Variants in DMPK observed in about 807,000 individuals in gnomAD.
DMPK encodes the protein DM1 protein kinase, also known as myotonin-protein kinase.
A neutral mutation model predicts 70.3 loss-of-function variants in DMPK; 32 were observed. That is an observed-to-expected ratio of 0.46 (90% CI 0.34 to 0.61). The LOEUF (loss-of-function observed/expected upper bound fraction) is 0.61, where lower values mean the gene tolerates loss of function less well. Among genes scored for constraint, DMPK ranks in the 20% least tolerant of loss-of-function variants. The pLI is 0.01. For synonymous variants in DMPK, 469 were observed against 390.9 expected (o/e 1.20, Z -2.36); for missense variants, 899 against 886.0 (o/e 1.01, Z -0.19).
Position 45,777,413 on chromosome 19 carries a change from AGG to A in DMPK, c.1058_1059del (p.Pro353LeufsTer61). On this transcript the variant is annotated frameshift_variant, in exon 8 of 15. Transcript: ENST00000291270. LOFTEE classifies it high-confidence loss of function. The surrounding 1 kb of genome is among the most constrained non-coding windows in gnomAD (Gnocchi z 6.7). ...GTGGCACCTTCGAAATCCGGTGTAA[AGG>A]GGGGCACGCTGTCCCGGAGACCATC... ...DWDGLRDSVP[P>X]FTPDFEGATD... The A allele has an allele frequency of 1.9e-6, 3 of 1,613,146 alleles. No individual in the cohort carries two copies. The highest frequency in any genetic ancestry group is 2.5e-6 in the Non-Finnish European group (3 of 1,179,844).
intron 1 of DMPK, 83 bp downstream of exon 1, chr19:45,782,110 C>CG (rs1211116793): frequency 5.6e-6 from 5 of 899,844 alleles, no homozygotes; most frequent in Non-Finnish European, 7.6e-6. Context: ...TCCTGCCCCC[C>CG]CAACAGCCAG....
intron 10 of DMPK, 31 bp from the exon 11 acceptor site, chr19:45,771,959 T>A: frequency 6.5e-7 from 1 of 1,533,478 alleles, no homozygotes; most frequent in Admixed American, 2.0e-5. Flanking sequence ...TAAGGCTGCC[T>A]GTGGCTCCTG....
At position 45,770,204 on chromosome 19, in the gene DMPK, CCAGCAGCAGCAGCAGCAG is replaced by C; in HGVS notation, c.*266_*283del. The C allele has an allele frequency of 0.06, 42,938 of 714,528 alleles. 2,770 individuals are homozygous for C. Among genetic ancestry groups the C allele is most frequent in the African/African-American group, 0.094 (5,206 of 55,172 alleles). The allele number at this position is 714,528 out of a possible 1,614,324, so 44.3% of individuals were successfully genotyped here. Reference sequence around the variant, plus strand: ...AAGAAAGAAATGGTCTGTGATCCCCCCAGCAGCAGCAGCAGCAGCAGCAGCAGCAGCAGCAGCAGCAGC... The same window carrying C: ...AAGAAAGAAATGGTCTGTGATCCCCCCAGCAGCAGCAGCAGCAGCAGCAGC... On this transcript the variant is annotated 3_prime_UTR_variant, in exon 15 of 15. Coordinates refer to ENST00000291270, the MANE Select transcript of DMPK (RefSeq NM_004409.5).
chr19:45,777,287 G>C lies in DMPK; in HGVS notation c.1146+40C>G, dbSNP rs1969823133. 1.3e-6 allele frequency: 2 copies of C among 1,525,736 alleles called. No individual in the cohort carries two copies. Among genetic ancestry groups the C allele is most frequent in the African/African-American group, 1.4e-5 (1 of 72,270 alleles). The allele number at this position is 1,525,736 out of a possible 1,614,324, so 94.5% of individuals were successfully genotyped here. A position where few individuals can be genotyped will look rare whatever the true frequency, so the allele number is the denominator to read the frequency against. On this transcript the variant is annotated intron_variant, in intron 8 of 14. Coordinates refer to ENST00000291270, the MANE Select transcript of DMPK (RefSeq NM_004409.5). This position sits in a 1 kb window ranked among gnomAD's most constrained non-coding sequence, Gnocchi z 6.7. ...ACTCCAACTTTATGGAGGGAGCATG[G>C]GGAGGTTCCCGCAGCCGAGCAGGGG...
intron 12 of DMPK, 85 bp downstream of exon 12, chr19:45,771,483 C>T (rs1440163542): frequency 9.2e-5 from 148 of 1,609,878 alleles, no homozygotes; most frequent in South Asian, 5.5e-5. Context: ...TCCCTTCCCT[C>T]CTCCAGGTGT....
chr19:45,779,799 G>A lies in DMPK; in HGVS notation c.231C>T (p.Ile77=). The A allele has an allele frequency of 1.3e-6, 2 of 1,560,066 alleles. No homozygotes were observed. The highest frequency in any genetic ancestry group is 1.2e-5 in the South Asian group (1 of 84,166). ...TTACCTCGCTGAACGCCCCGCGTCCGATCACCTTCAGAATCTCGAAGTCGT... is the reference window on the plus strand; with the variant it reads ...TTACCTCGCTGAACGCCCCGCGTCCAATCACCTTCAGAATCTCGAAGTCGT... ...QRDDFEILKV[I]GRGAFSEVAV... is the part of the protein sequence containing the mutation. Residue 77 remains isoleucine (I), a synonymous_variant, in exon 2 of 15, where the codon ATC becomes ATT. Coordinates refer to ENST00000291270, the MANE Select transcript of DMPK (RefSeq NM_004409.5).
chr19:45,778,985 G>A (rs1424373889), intron 4 of DMPK: 1 of 580,162 alleles, frequency 1.7e-6, no homozygotes, highest in Non-Finnish European at 3.1e-6. Context: ...TAGAATTCCT[G>A]AAGACCTATC....
chr19:45,782,401 C>CCTCCTGTCACAGGGCCTGGCAG lies in DMPK; in HGVS notation c.-71_-50dup. ...CCTCCCCGGGCCGGGGGCTCGGGGTCCTCCTGTCACAGGGCCTGGCAGCCC... is the reference window on the plus strand; with the variant it reads ...CCTCCCCGGGCCGGGGGCTCGGGGTCCTCCTGTCACAGGGCCTGGCAGCTCCTGTCACAGGGCCTGGCAGCCC... On this transcript the variant is annotated 5_prime_UTR_variant, in exon 1 of 15. Transcript: ENST00000291270. 6.7e-7 allele frequency: 1 copy of CCTCCTGTCACAGGGCCTGGCAG among 1,493,534 alleles called. No homozygotes were observed. Among genetic ancestry groups the CCTCCTGTCACAGGGCCTGGCAG allele is most frequent in the Non-Finnish European group, 8.9e-7 (1 of 1,122,044 alleles). 92.5% of individuals were successfully genotyped at this position (1,493,534 alleles called of 1,614,324 possible).
intron 8 of DMPK, 73 bp from the exon 9 acceptor site, chr19:45,775,107 A>C: frequency 8.1e-7 from 1 of 1,235,314 alleles, no homozygotes. Context: ...CTTGGCTTAC[A>C]TGTTCCCCCC....
intron 13 of DMPK, 27 bp from the exon 14 acceptor site, chr19:45,771,087 G>A: frequency 1.3e-6 from 2 of 1,503,250 alleles, no homozygotes; most frequent in East Asian, 2.5e-5. Context: ...CAGGTGACCC[G>A]ATCGGAGCCC....
Position 45,770,456 on chromosome 19 carries a change from C to T in DMPK, c.*32G>A, listed in dbSNP as rs1485216363. The T allele has an allele frequency of 1.9e-6, 3 of 1,548,900 alleles. No homozygotes were observed. Among genetic ancestry groups the T allele is most frequent in the Non-Finnish European group, 2.6e-6 (3 of 1,146,618 alleles). ...GTGCCCCGGGCACTCAGTCTTCCAACGGGGCCCCGGAGTCGAAGACAGTTC... is the reference window on the plus strand; with the variant it reads ...GTGCCCCGGGCACTCAGTCTTCCAATGGGGCCCCGGAGTCGAAGACAGTTC... On this transcript the variant is annotated 3_prime_UTR_variant, in exon 15 of 15. Coordinates refer to ENST00000291270, the MANE Select transcript of DMPK (RefSeq NM_004409.5).
intron 1 of DMPK, 155 bp from the exon 2 acceptor site, chr19:45,780,024 C>A: frequency 6.5e-7 from 1 of 1,550,358 alleles, no homozygotes. Context: ...ACATAAACAC[C>A]GTGTAAGGTT....
intron 1 of DMPK, among the ~76,000 whole-genome samples, chr19:45,781,769 T>TGCTG (rs1339433905): frequency 6.6e-6 from 1 of 152,058 alleles, no homozygotes; most frequent in Non-Finnish European, 1.5e-5. Context: ...AGCTGCCCCA[T>TGCTG]GCTGGCCCTC....
At chr19:45,779,103 G>A in intron 4 of DMPK, 161 bp downstream of exon 4, 2 of 701,800 alleles carry the variant, frequency 2.8e-6, no homozygotes, top group South Asian at 1.7e-5. Flanking sequence ...AGATAGGGAA[G>A]GCCCCTCATC....
intron 4 of DMPK, 137 bp downstream of exon 4, chr19:45,779,127 C>A (rs1280517007): frequency 1.2e-6 from 1 of 860,402 alleles, no homozygotes; most frequent in South Asian, 1.5e-5. Flanking sequence ...CTGACACACC[C>A]TCTTACCGCA....
chr19:45,770,196 T>C lies in DMPK; in HGVS notation c.*292A>G, dbSNP rs1227189600. On this transcript the variant is annotated 3_prime_UTR_variant, in exon 15 of 15. Coordinates refer to ENST00000291270, the MANE Select transcript of DMPK (RefSeq NM_004409.5). Reference sequence around the variant, plus strand: ...CTGGCCGAAAGAAAGAAATGGTCTGTGATCCCCCCAGCAGCAGCAGCAGCA... The same window carrying C: ...CTGGCCGAAAGAAAGAAATGGTCTGCGATCCCCCCAGCAGCAGCAGCAGCA... 1 of 639,464 alleles carries C rather than the reference T, an allele frequency of 1.6e-6. No individual in the cohort carries two copies. Among genetic ancestry groups the C allele is most frequent in the East Asian group, 3.5e-5 (1 of 28,390 alleles). 39.6% of individuals were successfully genotyped at this position (639,464 alleles called of 1,614,324 possible). A position where few individuals can be genotyped will look rare whatever the true frequency, so the allele number is the denominator to read the frequency against.
Position 45,782,184 on chromosome 19 carries a change from G to A in DMPK, c.160+9C>T. 1 of 1,499,564 alleles carries A rather than the reference G, an allele frequency of 6.7e-7. No individual in the cohort carries two copies. The highest frequency in any genetic ancestry group is 8.9e-7 in the Non-Finnish European group (1 of 1,118,620). The allele number at this position is 1,499,564 out of a possible 1,614,324, so 92.9% of individuals were successfully genotyped here. On this transcript the variant is annotated intron_variant, in intron 1 of 14. Coordinates refer to ENST00000291270, the MANE Select transcript of DMPK (RefSeq NM_004409.5). ...CCCATCTGCAGGAGCCCCGAGGGTA[G>A]GCACTCACCCCACTGCAAGAAGTCG...
rs752693597 is a variant in DMPK at position 45,771,899 on chromosome 19, A to C, written c.1374T>G (p.Pro458=). The change falls in exon 11 of 15, where the codon CCT becomes CCG. Residue 458 remains proline, a synonymous_variant. Coordinates refer to ENST00000291270, the MANE Select transcript of DMPK (RefSeq NM_004409.5). ...TAEVAVPAAV[P]AAEAEAEVTL... is the part of the protein sequence containing the mutation. Reference sequence around the variant, plus strand: ...TCACCTCGGCCTCAGCCTCTGCCGCAGGGACAGCCGCTGGAACTGCCACTT... The same window carrying C: ...TCACCTCGGCCTCAGCCTCTGCCGCCGGGACAGCCGCTGGAACTGCCACTT... 6 of 1,595,780 alleles carry C rather than the reference A, an allele frequency of 3.8e-6. No individual in the cohort carries two copies. In the South Asian group the frequency reaches 6.8e-5, roughly 18 times the overall value.
At position 45,770,155 on chromosome 19, in the gene DMPK, A is replaced by G; in HGVS notation, c.*333T>C. ...TCCCAGGCCTGCAGTTTGCCCATCCACGTCAGGGCCTCAGCCTGGCCGAAA... is the reference window on the plus strand; with the variant it reads ...TCCCAGGCCTGCAGTTTGCCCATCCGCGTCAGGGCCTCAGCCTGGCCGAAA... On this transcript the variant is annotated 3_prime_UTR_variant, in exon 15 of 15. Coordinates refer to ENST00000291270, the MANE Select transcript of DMPK (RefSeq NM_004409.5). 1.6e-6 allele frequency: 1 copy of G among 623,664 alleles called. No individual in the cohort carries two copies. The highest frequency in any genetic ancestry group is 3.4e-5 in the East Asian group (1 of 29,148). The allele number at this position is 623,664 out of a possible 1,614,324, so 38.6% of individuals were successfully genotyped here. A position where few individuals can be genotyped will look rare whatever the true frequency, so the allele number is the denominator to read the frequency against.
Sources: gnomAD v4.1 joint callset for allele counts (sites outside exome capture counted in the v4.1 genomes callset) on GRCh38, gnomAD v4.1.1 for gene constraint, Gnocchi (gnomAD v3.1) non-coding constraint, MANE v1.5 for transcripts, NCBI Gene and HGNC (gene_info 2026-07-23, HGNC 2026-07-21) for gene names.